GYS2: variants seen among roughly 807,000 people sequenced by gnomAD.
GYS2 encodes glycogen [starch] synthase, liver.
In GYS2, 80 loss-of-function variants were observed where a neutral mutation model predicts 85.6. The ratio of observed to expected loss-of-function variants is 0.93; its 90% CI spans 0.78 to 1.13. The LOEUF is 1.13. Ranked by LOEUF, GYS2 falls within the 50% of genes most tolerant of loss-of-function variation. The probability of loss-of-function intolerance (pLI) is 0.00; values close to 1 mark genes in which losing one functional copy is unlikely to be tolerated. For synonymous variants in GYS2, 328 were observed against 300.7 expected (o/e 1.09, Z -0.94); for missense variants, 881 against 854.9 (o/e 1.03, Z -0.38).
intron 11 of GYS2, among the ~76,000 whole-genome samples, chr12:21,556,507 A>C (rs1944181220): frequency 6.6e-6 from 1 of 152,158 alleles, no homozygotes; most frequent in African/African-American, 2.4e-5. Flanking sequence ...GTCATCATTC[A>C]TTGATGTCCA....
At chr12:21,600,746 C>T (rs1207300964) in intron 1 of GYS2, among the ~76,000 whole-genome samples, 1 of 152,100 alleles carries the variant, frequency 6.6e-6, no homozygotes, top group Non-Finnish European at 1.5e-5. Context: ...GGTTTAGAAA[C>T]TCCTTGAGTT....
At chr12:21,557,666 GAGGC>G in intron 11 of GYS2, among the ~76,000 whole-genome samples, 1 of 152,134 alleles carries the variant, frequency 6.6e-6, no homozygotes, top group South Asian at 2.1e-4. Flanking sequence ...TTGGGAGGCC[GAGGC>G]AGGTGGATCA....
chr12:21,596,573 C>A (rs1239143974), intron 1 of GYS2, among the ~76,000 whole-genome samples: 4 of 152,016 alleles, frequency 2.6e-5, no homozygotes, highest in African/African-American at 9.7e-5. Flanking sequence ...AAATGCTCAG[C>A]AAAATCAGCA....
intron 1 of GYS2, among the ~76,000 whole-genome samples, chr12:21,582,422 C>G (rs1229807731): frequency 6.6e-6 from 1 of 152,126 alleles, no homozygotes; most frequent in Non-Finnish European, 1.5e-5. Flanking sequence ...TTCTCCCATG[C>G]TGGATTCTTC....
At chr12:21,580,603 A>T in intron 1 of GYS2, 80 bp from the exon 2 acceptor site, 2 of 1,033,358 alleles carry the variant, frequency 1.9e-6, no homozygotes, top group Non-Finnish European at 3.0e-6. Flanking sequence ...ATGAGTTCAG[A>T]TTTTTAAATT....
At chr12:21,562,607 A>G (rs10841849) in intron 7 of GYS2, among the ~76,000 whole-genome samples, 109,275 of 150,774 alleles carry the variant, frequency 0.72, 39,893 homozygotes, top group South Asian at 0.79. Context: ...CATGTGAGGG[A>G]AAAGGGATGT....
Position 21,536,704 on chromosome 12 carries a change from T to C in GYS2, c.*250A>G. On this transcript the variant is annotated 3_prime_UTR_variant, in exon 16 of 16. Coordinates refer to ENST00000261195, the MANE Select transcript of GYS2 (RefSeq NM_021957.4). ...TCACCATTTTAAAAACACTTTTCCG[T>C]CTTCTGCCTTTAATGAGTGCTCCTC... is the stretch of plus-strand genomic sequence containing the variant. The C allele has an allele frequency of 1.9e-6, 1 of 519,834 alleles. No homozygotes were observed. The highest frequency in any genetic ancestry group is 3.4e-6 in the Non-Finnish European group (1 of 290,280). The allele number at this position is 519,834 out of a possible 1,614,324, so 32.2% of individuals were successfully genotyped here. A position where few individuals can be genotyped will look rare whatever the true frequency, so the allele number is the denominator to read the frequency against.
At chr12:21,564,334 G>A (rs1944292152) in intron 5 of GYS2, among the ~76,000 whole-genome samples, 1 of 152,070 alleles carries the variant, frequency 6.6e-6, no homozygotes, top group Admixed American at 6.5e-5. Flanking sequence ...GGGAGGCTGA[G>A]CCAGGAGAAT....
rs1943913333 is a variant in GYS2 at position 21,536,657 on chromosome 12, A to G, written c.*297T>C. On this transcript the variant is annotated 3_prime_UTR_variant, in exon 16 of 16. Transcript: ENST00000261195. ...ATCATTTAAAAATAAACAGAGTAAG[A>G]GAAAATCCTTACCACTTAAATTCAC... The G allele has an allele frequency of 2.4e-6, 1 of 417,196 alleles. No homozygotes were observed. The highest frequency in any genetic ancestry group is 2.0e-5 in the African/African-American group (1 of 49,452). 25.8% of individuals were successfully genotyped at this position (417,196 alleles called of 1,614,324 possible).
chr12:21,556,413 C>T (rs1944179958), intron 11 of GYS2, among the ~76,000 whole-genome samples: 1 of 152,138 alleles, frequency 6.6e-6, no homozygotes, highest in Non-Finnish European at 1.5e-5. Flanking sequence ...TCAAGCGATC[C>T]ACCTACCGCA....
intron 2 of GYS2, among the ~76,000 whole-genome samples, chr12:21,576,806 T>A (rs1944452182): frequency 6.6e-6 from 1 of 152,184 alleles, no homozygotes; most frequent in Non-Finnish European, 1.5e-5. Context: ...GTCTCCATAT[T>A]TCTATAGTAA....
At chr12:21,552,786 T>C (rs184168374) in intron 11 of GYS2, among the ~76,000 whole-genome samples, 127 of 152,348 alleles carry the variant, frequency 8.3e-4, no homozygotes, top group African/African-American at 2.7e-3. Context: ...TTTCTCTGCC[T>C]GGTGAGTCCC....
chr12:21,565,390 A>AAAATAT (rs1944305657), intron 5 of GYS2, among the ~76,000 whole-genome samples: 3 of 73,656 alleles, frequency 4.1e-5, no homozygotes, highest in East Asian at 5.0e-4. Flanking sequence ...CCATCCATGA[A>AAAATAT]ATATATATAT....
intron 5 of GYS2, among the ~76,000 whole-genome samples, chr12:21,566,084 C>T (rs915517637): frequency 6.6e-6 from 1 of 152,108 alleles, no homozygotes; most frequent in Non-Finnish European, 1.5e-5. Flanking sequence ...GAAAATATCA[C>T]CTTTTCAACA....
intron 11 of GYS2, among the ~76,000 whole-genome samples, chr12:21,554,296 A>C (rs1440636998): frequency 1.3e-5 from 2 of 151,948 alleles, no homozygotes; most frequent in Non-Finnish European, 2.9e-5. Flanking sequence ...GCATTTTTAA[A>C]TCTGGGCTGC....
chr12:21,551,357 T>C (rs1312071847), intron 11 of GYS2, among the ~76,000 whole-genome samples: 1 of 152,152 alleles, frequency 6.6e-6, no homozygotes, highest in Non-Finnish European at 1.5e-5. Flanking sequence ...ATCATTATAT[T>C]GTATAACATT....
intron 11 of GYS2, among the ~76,000 whole-genome samples, chr12:21,551,318 A>G (rs1221460323): frequency 1.3e-5 from 2 of 152,190 alleles, no homozygotes; most frequent in South Asian, 4.2e-4. Context: ...TACTTTGAAG[A>G]AAAACCCTAA....
At chr12:21,568,184 C>A (rs1319982373) in intron 5 of GYS2, among the ~76,000 whole-genome samples, 1 of 152,088 alleles carries the variant, frequency 6.6e-6, no homozygotes, top group Admixed American at 6.6e-5. Flanking sequence ...TCTTTGCATC[C>A]AGTGCAACAA....
At chr12:21,534,141 G>T (rs1267616140), downstream of GYS2, among the ~76,000 whole-genome samples, 1 of 152,112 alleles carries the variant, frequency 6.6e-6, no homozygotes, top group Non-Finnish European at 1.5e-5. Context: ...CTTTATGATG[G>T]GATGAAAGCA....
Sources: allele counts gnomAD v4.1 joint callset (sites outside exome capture counted in the v4.1 genomes callset), GRCh38; gene constraint gnomAD v4.1.1; transcripts MANE v1.5; gene names NCBI Gene and HGNC (gene_info 2026-07-23, HGNC 2026-07-21).